MAP3K3: variants seen among roughly 807,000 people sequenced by gnomAD.
The protein encoded by MAP3K3 is mitogen-activated protein kinase kinase kinase 3.
MAP3K3 carries 12 observed loss-of-function variants against 80.9 expected under a neutral mutation model. That is an observed-to-expected ratio of 0.15 (90% CI 0.10 to 0.24). The LOEUF is 0.24. Ranked by LOEUF, MAP3K3 falls within the 10% of genes least tolerant of loss-of-function variation. The pLI is 1.00. For synonymous variants in MAP3K3, 272 were observed against 307.1 expected (o/e 0.89, Z 1.19); for missense variants, 596 against 834.7 (o/e 0.71, Z 3.52).
At position 63,694,580 on chromosome 17, in the gene MAP3K3, T is replaced by C. The variant is rs2035655783; in HGVS notation, c.*803T>C. 1 of 152,778 alleles carries C rather than the reference T, an allele frequency of 6.5e-6. No individual in the cohort carries two copies. Among genetic ancestry groups the C allele is most frequent in the African/African-American group, 2.4e-5 (1 of 41,462 alleles). The allele number at this position is 152,778 out of a possible 1,614,324, so 9.5% of individuals were successfully genotyped here. A position where few individuals can be genotyped will look rare whatever the true frequency, so the allele number is the denominator to read the frequency against. On this transcript the variant is annotated 3_prime_UTR_variant, in exon 16 of 16. Transcript: ENST00000361733. ...CCCTCTGGGCTCTGAGTACCCCTGC[T>C]TTGGGCTTGGGCCTAGGCTGCATTG...
At chr17:63,654,775 G>C (rs1005598260) in intron 4 of MAP3K3, among the ~76,000 whole-genome samples, 4 of 152,160 alleles carry the variant, frequency 2.6e-5, no homozygotes, top group Non-Finnish European at 5.9e-5. Flanking sequence ...AGTGACTCAC[G>C]CCTGTTAATC....
chr17:63,688,442 G>A (rs1321342298), intron 8 of MAP3K3, 85 bp from the exon 9 acceptor site: 3 of 1,035,506 alleles, frequency 2.9e-6, no homozygotes, highest in Admixed American at 1.7e-5. Context: ...CTGTGGCAGG[G>A]GTTAGAAAGG....
At chr17:63,647,645 C>T (rs1165346739) in intron 3 of MAP3K3, among the ~76,000 whole-genome samples, 4 of 152,136 alleles carry the variant, frequency 2.6e-5, no homozygotes, top group Non-Finnish European at 5.9e-5. Context: ...GGTGCATTCT[C>T]TTTTTACGGA....
intron 6 of MAP3K3, among the ~76,000 whole-genome samples, chr17:63,677,947 C>G (rs1381573918): frequency 6.6e-6 from 1 of 152,214 alleles, no homozygotes; most frequent in Admixed American, 6.5e-5. Flanking sequence ...TGGATGGGAT[C>G]TCCATCCTCC....
chr17:63,671,134 A>T (rs2035098555), intron 6 of MAP3K3, among the ~76,000 whole-genome samples: 1 of 152,148 alleles, frequency 6.6e-6, no homozygotes, highest in Non-Finnish European at 1.5e-5. Flanking sequence ...AGGAAGGAGC[A>T]GGTGAACTTG....
At chr17:63,623,517 A>G (rs1249322142) in intron 1 of MAP3K3, among the ~76,000 whole-genome samples, 2 of 152,222 alleles carry the variant, frequency 1.3e-5, no homozygotes, top group Non-Finnish European at 2.9e-5. Flanking sequence ...AACATTTGCT[A>G]CACAAAAGAA....
chr17:63,674,292 C>G (rs545896313), intron 6 of MAP3K3, among the ~76,000 whole-genome samples: 1 of 151,924 alleles, frequency 6.6e-6, no homozygotes, highest in South Asian at 2.1e-4. Flanking sequence ...CTGCCAGTTG[C>G]AGTGGTGCGT....
intron 5 of MAP3K3, 145 bp from the exon 6 acceptor site, chr17:63,666,795 G>A: frequency 2.5e-6 from 2 of 805,432 alleles, no homozygotes; most frequent in Non-Finnish European, 4.0e-6. Context: ...AGAAGAGTGA[G>A]ATTTGGGGGA....
intron 3 of MAP3K3, among the ~76,000 whole-genome samples, chr17:63,651,730 C>A (rs1253435456): frequency 3.3e-5 from 5 of 152,162 alleles, no homozygotes; most frequent in African/African-American, 1.2e-4. Flanking sequence ...TTGAACTGAC[C>A]TAATGAGTCT....
chr17:63,632,320 C>T (rs1007818639), intron 1 of MAP3K3, among the ~76,000 whole-genome samples: 6 of 151,738 alleles, frequency 4.0e-5, no homozygotes, highest in African/African-American at 1.2e-4. Flanking sequence ...GGGGAGACCC[C>T]GTCTCTACAA....
chr17:63,660,087 A>G (rs2034856930), intron 5 of MAP3K3, among the ~76,000 whole-genome samples: 1 of 152,176 alleles, frequency 6.6e-6, no homozygotes, highest in Non-Finnish European at 1.5e-5. Context: ...CCAGGATACT[A>G]TATCACCTGG....
intron 6 of MAP3K3, among the ~76,000 whole-genome samples, chr17:63,677,143 G>A (rs2035236137): frequency 6.6e-6 from 1 of 152,226 alleles, no homozygotes; most frequent in African/African-American, 2.4e-5. Context: ...AAATTATGAG[G>A]TAGATAGTTC....
At chr17:63,634,464 G>A (rs151245771) in intron 2 of MAP3K3, among the ~76,000 whole-genome samples, 2,841 of 152,270 alleles carry the variant, frequency 0.019, 41 homozygotes, top group South Asian at 0.03. Flanking sequence ...TCCTTTTTAG[G>A]ACTCCTTCTG....
At chr17:63,687,350 C>CAAAA (rs377122391) in intron 8 of MAP3K3, among the ~76,000 whole-genome samples, 1 of 133,116 alleles carries the variant, frequency 7.5e-6, no homozygotes, top group Non-Finnish European at 1.6e-5. Flanking sequence ...CTAAAAAATA[C>CAAAA]AAAAAAAAAA....
chr17:63,637,969 G>A (rs2034365105), intron 2 of MAP3K3, among the ~76,000 whole-genome samples: 1 of 152,188 alleles, frequency 6.6e-6, no homozygotes, highest in South Asian at 2.1e-4. Context: ...AGAATTCCAG[G>A]ATCTGTTCCC....
chr17:63,642,572 C>T (rs1885270170), intron 2 of MAP3K3, among the ~76,000 whole-genome samples: 1 of 151,994 alleles, frequency 6.6e-6, no homozygotes, highest in African/African-American at 2.4e-5. Flanking sequence ...GCAGGAGAAT[C>T]ACTTGAACCC....
At chr17:63,688,927 A>G (rs1568154396) in intron 10 of MAP3K3, 46 bp downstream of exon 10, 1 of 1,450,426 alleles carries the variant, frequency 6.9e-7, no homozygotes, top group Non-Finnish European at 9.7e-7. Context: ...TCAAGAAAGG[A>G]CAAGTTGCCA....
Position 63,689,184 on chromosome 17 carries a change from G to A in MAP3K3, c.871+303G>A. 1 of 553,146 alleles carries A rather than the reference G, an allele frequency of 1.8e-6. No homozygotes were observed. The highest frequency in any genetic ancestry group is 3.2e-6 in the Non-Finnish European group (1 of 310,314). The allele number at this position is 553,146 out of a possible 1,614,324, so 34.3% of individuals were successfully genotyped here. On this transcript the variant is annotated intron_variant, in intron 10 of 15. Transcript: ENST00000361733. This position sits in a 1 kb window ranked among gnomAD's most constrained non-coding sequence, Gnocchi z 4.3. ...AGCAGGTGGCCTGGGCCCTGTAGAG[G>A]GGTAAGGAGTAGGATACAAGGAAAT...
Position 63,693,536 on chromosome 17 carries a change from T to G in MAP3K3, c.1653-13T>G. ...GGCTGGCTGAGGGGTGACACGGGGT[T>G]CTCTCTTTCCAGGAGCCTGGGCTGC... is the stretch of plus-strand genomic sequence containing the variant. On this transcript the variant is annotated splice_polypyrimidine_tract_variant and intron_variant, in intron 15 of 15. Coordinates refer to ENST00000361733, the MANE Select transcript of MAP3K3 (RefSeq NM_002401.5). The surrounding 1 kb of genome is among the most constrained non-coding windows in gnomAD (Gnocchi z 4.2). 6.3e-7 allele frequency: 1 copy of G among 1,595,362 alleles called. No individual in the cohort carries two copies. Among genetic ancestry groups the G allele is most frequent in the Non-Finnish European group, 8.5e-7 (1 of 1,172,292 alleles).
Sources: gnomAD v4.1 joint callset for allele counts (sites outside exome capture counted in the v4.1 genomes callset) on GRCh38, gnomAD v4.1.1 for gene constraint, Gnocchi (gnomAD v3.1) non-coding constraint, MANE v1.5 for transcripts, NCBI Gene and HGNC (gene_info 2026-07-23, HGNC 2026-07-21) for gene names.